Variants in PDE4D observed in about 807,000 individuals in gnomAD.
PDE4D encodes 3',5'-cyclic-AMP phosphodiesterase 4D.
In PDE4D, 24 loss-of-function variants were observed where a neutral mutation model predicts 87.4. The ratio of observed to expected loss-of-function variants is 0.27; its 90% confidence interval spans 0.20 to 0.39. PDE4D has a LOEUF of 0.39. PDE4D is among the 10% of genes least tolerant of loss of function. PDE4D has a pLI of 1.00. For synonymous variants in PDE4D, 384 were observed against 383.2 expected (o/e 1.00, Z -0.02); for missense variants, 714 against 1,041.0 (o/e 0.69, Z 4.32).
intron 1 of PDE4D, among the ~76,000 whole-genome samples, chr5:59,535,561 G>A (rs1324462891): frequency 2.6e-5 from 4 of 152,096 alleles, no homozygotes; most frequent in Non-Finnish European, 5.9e-5. Flanking sequence ...TACCTATTTG[G>A]GCCCTGTTGT....
At chr5:59,288,708 A>C (rs981898437) in intron 1 of PDE4D, among the ~76,000 whole-genome samples, 31 of 152,146 alleles carry the variant, frequency 2.0e-4, no homozygotes, top group Admixed American at 3.3e-4. Context: ...AGCGGCAAGA[A>C]AAAATAAAGA....
intron 6 of PDE4D, among the ~76,000 whole-genome samples, chr5:59,008,490 A>T (rs1383836804): frequency 6.6e-6 from 1 of 152,104 alleles, no homozygotes; most frequent in African/African-American, 2.4e-5. Flanking sequence ...ATAAAAGAGA[A>T]ATGATATTCT....
intron 5 of PDE4D, among the ~76,000 whole-genome samples, chr5:59,055,848 A>G (rs1762261610): frequency 6.6e-6 from 1 of 152,246 alleles, no homozygotes; most frequent in Non-Finnish European, 1.5e-5. Flanking sequence ...ATCACTTCTC[A>G]ACAAATACTT....
chr5:59,340,390 TTTAC>T (rs1400782495), intron 1 of PDE4D, among the ~76,000 whole-genome samples: 1 of 151,994 alleles, frequency 6.6e-6, no homozygotes, highest in African/African-American at 2.4e-5. Flanking sequence ...AATTAATGTA[TTTAC>T]TTTTTACTTT....
At chr5:59,736,392 C>T (rs912001037) in intron 1 of PDE4D, among the ~76,000 whole-genome samples, 1 of 151,852 alleles carries the variant, frequency 6.6e-6, no homozygotes, top group Non-Finnish European at 1.5e-5. Context: ...ATAATTCTTA[C>T]AATTGGCCGG....
intron 2 of PDE4D, among the ~76,000 whole-genome samples, chr5:60,167,273 T>C (rs1396512814): frequency 2.2e-4 from 31 of 139,946 alleles, no homozygotes. Flanking sequence ...TTTCTTTTTT[T>C]TTTTTTTTTT....
chr5:60,147,189 T>C (rs1196266437), intron 2 of PDE4D, among the ~76,000 whole-genome samples: 12 of 152,362 alleles, frequency 7.9e-5, no homozygotes, highest in African/African-American at 1.2e-4. Flanking sequence ...GCGTGAACTC[T>C]CTGTTGAATT....
At chr5:60,050,387 C>A (rs1769976124) in intron 2 of PDE4D, among the ~76,000 whole-genome samples, 1 of 150,652 alleles carries the variant, frequency 6.6e-6, no homozygotes, top group Non-Finnish European at 1.5e-5. Flanking sequence ...CTTGGCTCCT[C>A]CCCCAGGAAA....
At chr5:59,932,597 A>G (rs1756093296) in intron 3 of PDE4D, among the ~76,000 whole-genome samples, 1 of 152,186 alleles carries the variant, frequency 6.6e-6, no homozygotes, top group Admixed American at 6.5e-5. Flanking sequence ...TTTGTACTTC[A>G]AGCCATCACA....
intron 1 of PDE4D, among the ~76,000 whole-genome samples, chr5:59,569,438 G>T (rs1000335527): frequency 5.9e-5 from 9 of 152,118 alleles, no homozygotes; most frequent in Non-Finnish European, 1.3e-4. Context: ...AAGGCAAAAA[G>T]TACGACATAT....
At position 60,450,056 on chromosome 5, in the gene PDE4D, A is replaced by C. The variant is rs571654865; in HGVS notation, c.-90+37886T>G. Among the ~76,000 whole-genome samples the C allele has an allele frequency of 2.6e-5, 4 of 151,716 alleles. 1 individual carries two copies. The highest frequency in any genetic ancestry group is 3.9e-4 in the East Asian group (2 of 5,184). ...CAATAAAATTTTTTTTCAGTAAAAA[A>C]AAAAAAAGAAACTAAAGTAAAATCC... On this transcript the variant is annotated intron_variant, in intron 1 of 16. Coordinates refer to the PDE4D transcript ENST00000502484.
intron 5 of PDE4D, among the ~76,000 whole-genome samples, chr5:59,043,392 G>A (rs886603094): frequency 6.6e-6 from 1 of 151,990 alleles, no homozygotes; most frequent in East Asian, 1.9e-4. Context: ...GCATGGTGGC[G>A]GGCGCCTGTA....
chr5:60,266,348 T>C (rs1750209556), intron 1 of PDE4D, among the ~76,000 whole-genome samples: 1 of 152,220 alleles, frequency 6.6e-6, no homozygotes, highest in African/African-American at 2.4e-5. Context: ...ACTTTTTTAA[T>C]ATAATTTTTA....
chr5:59,178,496 C>G (rs1199659197), intron 5 of PDE4D, among the ~76,000 whole-genome samples: 1 of 152,154 alleles, frequency 6.6e-6, no homozygotes, highest in Non-Finnish European at 1.5e-5. Flanking sequence ...GACCCCCTTA[C>G]TATGTATACA....
chr5:59,311,337 C>T (rs1772558629), intron 1 of PDE4D, among the ~76,000 whole-genome samples: 4 of 151,622 alleles, frequency 2.6e-5, no homozygotes, highest in African/African-American at 9.7e-5. Context: ...CCCGTCTCTA[C>T]TAAAAATACA....
At chr5:60,440,050 T>C (rs989051310) in intron 1 of PDE4D, among the ~76,000 whole-genome samples, 4 of 152,082 alleles carry the variant, frequency 2.6e-5, no homozygotes, top group Admixed American at 2.6e-4. Flanking sequence ...CACTACAGCA[T>C]TGATGATCTG....
chr5:59,849,284 G>A (rs1051819298), intron 1 of PDE4D, among the ~76,000 whole-genome samples: 1 of 151,836 alleles, frequency 6.6e-6, no homozygotes, highest in African/African-American at 2.4e-5. Flanking sequence ...TCTTGAGTAC[G>A]GAATGATGTT....
chr5:59,145,479 C>CT (rs1425876250), intron 5 of PDE4D, among the ~76,000 whole-genome samples: 2 of 152,032 alleles, frequency 1.3e-5, no homozygotes, highest in South Asian at 4.1e-4. Context: ...AAATGTACAT[C>CT]TATCTTTCCG....
At chr5:60,150,869 T>C (rs1315621227) in intron 2 of PDE4D, among the ~76,000 whole-genome samples, 1 of 152,120 alleles carries the variant, frequency 6.6e-6, no homozygotes, top group Non-Finnish European at 1.5e-5. Context: ...TCTCTACACA[T>C]GTCAGTAAAA....
Sources: gnomAD v4.1 joint callset for allele counts (sites outside exome capture counted in the v4.1 genomes callset) on GRCh38, gnomAD v4.1.1 for gene constraint, MANE v1.5 for transcripts, NCBI Gene and HGNC (gene_info 2026-07-23, HGNC 2026-07-21) for gene names.